ATP8B1: variants seen among roughly 807,000 people sequenced by gnomAD.
The protein encoded by ATP8B1 is phospholipid-transporting ATPase IC.
A neutral mutation model predicts 149.9 loss-of-function variants in ATP8B1; 80 were observed. The ratio of observed to expected loss-of-function variants is 0.53; its 90% confidence interval spans 0.45 to 0.64. The LOEUF is 0.64. Among genes scored for constraint, ATP8B1 ranks in the 30% least tolerant of loss-of-function variants. ATP8B1 has a pLI of 0.00. For missense variants in ATP8B1, 1,247 were observed against 1,552.6 expected (o/e 0.80, Z 3.31); for synonymous variants, 536 against 562.8 (o/e 0.95, Z 0.67).
chr18:57,797,620 C>T (rs1275856088), intron 1 of ATP8B1, among the ~76,000 whole-genome samples: 7 of 151,656 alleles, frequency 4.6e-5, no homozygotes, highest in Admixed American at 1.3e-4. Flanking sequence ...TCCCCCAGGA[C>T]CTAAAGAAAC....
intron 27 of ATP8B1, 142 bp from the exon 28 acceptor site, chr18:57,648,854 G>GTA: frequency 5.2e-6 from 2 of 386,838 alleles, no homozygotes; most frequent in Non-Finnish European, 4.7e-6. Context: ...GTCCCCACTT[G>GTA]TGTGTGTGTG....
rs1910170008 is a variant in ATP8B1, at chr18:57,658,627, T to TGTGTG, written c.2707+2546_2707+2547insCACAC. On this transcript the variant is annotated intron_variant, in intron 22 of 27. Coordinates refer to ENST00000648908, the MANE Select transcript of ATP8B1 (RefSeq NM_001374385.1). The stretch of plus-strand genomic sequence containing the variant: ...GACTACTTTATGACCAACAATTTCT[T>TGTGTG]TGTGTGTGTGTGTGTGTGTGTGTGT... Among the ~76,000 whole-genome samples, 75 of 145,086 alleles carry TGTGTG rather than the reference T, an allele frequency of 5.2e-4. 1 individual carries two copies. Among genetic ancestry groups the TGTGTG allele is most frequent in the African/African-American group, 1.9e-3 (73 of 38,970 alleles).
At chr18:57,798,035 C>G (rs942073760) in intron 1 of ATP8B1, among the ~76,000 whole-genome samples, 3 of 152,058 alleles carry the variant, frequency 2.0e-5, no homozygotes, top group African/African-American at 7.2e-5. Flanking sequence ...AGAAGAAACC[C>G]AACTCAGGCC....
chr18:57,757,093 G>A (rs890189746), intron 1 of ATP8B1, among the ~76,000 whole-genome samples: 1 of 152,158 alleles, frequency 6.6e-6, no homozygotes, highest in African/African-American at 2.4e-5. Context: ...GCCGCTGTAA[G>A]CATAGCCTCC....
At chr18:57,795,808 T>G (rs1027067842) in intron 1 of ATP8B1, among the ~76,000 whole-genome samples, 1 of 152,094 alleles carries the variant, frequency 6.6e-6, no homozygotes, top group Non-Finnish European at 1.5e-5. Flanking sequence ...AATGTGAATG[T>G]ACCTAATGCC....
chr18:57,699,429 G>T (rs532307723), intron 6 of ATP8B1, among the ~76,000 whole-genome samples: 2 of 152,118 alleles, frequency 1.3e-5, no homozygotes, highest in Non-Finnish European at 2.9e-5. Flanking sequence ...AGCAGAGGAG[G>T]TTGTTGTTGT....
At chr18:57,683,227 G>T (rs11659760) in intron 15 of ATP8B1, among the ~76,000 whole-genome samples, 27,237 of 152,164 alleles carry the variant, frequency 0.18, 2,573 homozygotes, top group Non-Finnish European at 0.21. Flanking sequence ...TATGTATGCC[G>T]CACTGACTGA....
At chr18:57,734,485 AT>A (rs759694962) in intron 1 of ATP8B1, among the ~76,000 whole-genome samples, 4 of 152,208 alleles carry the variant, frequency 2.6e-5, no homozygotes, top group Non-Finnish European at 4.4e-5. Flanking sequence ...TTCAATGAAC[AT>A]TAACTGTTAA....
At chr18:57,691,671 A>G (rs1413927935) in intron 12 of ATP8B1, 136 bp downstream of exon 12, 4 of 1,179,702 alleles carry the variant, frequency 3.4e-6, no homozygotes, top group Non-Finnish European at 4.7e-6. Flanking sequence ...CTTACCCTCA[A>G]TTCTGAAATG....
intron 21 of ATP8B1, among the ~76,000 whole-genome samples, 188 bp from the exon 22 acceptor site, chr18:57,661,650 CACATATATGTATGTGTGTATGTATAT>C (rs1389282127): frequency 2.1e-3 from 233 of 112,696 alleles, no homozygotes; most frequent in South Asian, 4.5e-3. Flanking sequence ...TACACACGCA[CACATATATGTATGTGTGTATGTATAT>C]ACACACACAC....
chr18:57,786,119 T>G (rs527410129), intron 1 of ATP8B1, among the ~76,000 whole-genome samples: 63 of 152,170 alleles, frequency 4.1e-4, no homozygotes, highest in Non-Finnish European at 8.2e-4. Flanking sequence ...GTGCTACAAT[T>G]TAAGAACTGC....
chr18:57,695,839 G>T (rs1385195174), intron 8 of ATP8B1, among the ~76,000 whole-genome samples: 3 of 152,202 alleles, frequency 2.0e-5, no homozygotes, highest in Non-Finnish European at 4.4e-5. Context: ...GACTACCAAA[G>T]TGCTGTTTGA....
intron 20 of ATP8B1, 118 bp from the exon 21 acceptor site, chr18:57,662,733 A>C (rs940334870): frequency 5.2e-6 from 6 of 1,157,850 alleles, no homozygotes; most frequent in Non-Finnish European, 7.4e-6. Context: ...CATCTTACCT[A>C]TTTTTGTTTC....
At chr18:57,653,714 T>TG (rs1484038740) in intron 24 of ATP8B1, among the ~76,000 whole-genome samples, 2 of 134,964 alleles carry the variant, frequency 1.5e-5, no homozygotes, top group Admixed American at 8.0e-5. Flanking sequence ...GTCTTAGAGA[T>TG]GGGGTCTCAC....
chr18:57,687,687 A>C (rs965186308), intron 13 of ATP8B1, among the ~76,000 whole-genome samples: 1 of 152,120 alleles, frequency 6.6e-6, no homozygotes, highest in African/African-American at 2.4e-5. Flanking sequence ...ATAGGTGTAC[A>C]AATATCTCTT....
At chr18:57,770,010 C>T (rs1440212126) in intron 1 of ATP8B1, among the ~76,000 whole-genome samples, 2 of 151,796 alleles carry the variant, frequency 1.3e-5, no homozygotes, top group East Asian at 1.9e-4. Flanking sequence ...CAGATTAAAA[C>T]CCAGCCAGCC....
At chr18:57,783,109 G>A (rs1462789386) in intron 1 of ATP8B1, among the ~76,000 whole-genome samples, 4 of 152,016 alleles carry the variant, frequency 2.6e-5, no homozygotes, top group African/African-American at 4.8e-5. Flanking sequence ...CACGGTGCCC[G>A]GCCTAGTTTG....
At chr18:57,780,632 A>G (rs140635881) in intron 1 of ATP8B1, among the ~76,000 whole-genome samples, 60 of 152,346 alleles carry the variant, frequency 3.9e-4, no homozygotes, top group African/African-American at 1.4e-3. Context: ...GAGGGATTTC[A>G]TTTAAACCCT....
At chr18:57,720,127 A>T (rs1159533830) in intron 2 of ATP8B1, among the ~76,000 whole-genome samples, 2 of 151,312 alleles carry the variant, frequency 1.3e-5, no homozygotes, top group Non-Finnish European at 1.5e-5. Context: ...AAAAGTAGAT[A>T]AAACCACAAA....
Sources: gnomAD v4.1 joint callset for allele counts (sites outside exome capture counted in the v4.1 genomes callset) on GRCh38, gnomAD v4.1.1 for gene constraint, MANE v1.5 for transcripts, NCBI Gene and HGNC (gene_info 2026-07-23, HGNC 2026-07-21) for gene names.